NBAS: variants seen among roughly 807,000 people sequenced by gnomAD.
NBAS encodes the protein NAG/BC035112 fusion.
In NBAS, 219 loss-of-function variants were observed where a neutral mutation model predicts 302.5. The observed-to-expected ratio is 0.72, with a 90% CI of 0.65 to 0.81. NBAS has a LOEUF of 0.81. Ranked by LOEUF, NBAS falls within the 30% of genes least tolerant of loss-of-function variation. The pLI is 0.00. For synonymous variants in NBAS, 1,118 were observed against 1,021.6 expected, an observed-to-expected ratio of 1.09 and a Z score of -1.80; for missense variants, 2,932 against 2,841.6, an observed-to-expected ratio of 1.03 and a Z score of -0.72.
intron 28 of NBAS, among the ~76,000 whole-genome samples, chr2:15,391,743 A>C (rs1033712999): frequency 1.4e-4 from 22 of 152,098 alleles, no homozygotes; most frequent in African/African-American, 4.8e-4. Context: ...AACTGATGTC[A>C]AAAAGAGACA....
chr2:15,359,352 G>T (rs997854400), intron 32 of NBAS, among the ~76,000 whole-genome samples: 4 of 152,108 alleles, frequency 2.6e-5, no homozygotes, highest in African/African-American at 9.7e-5. Context: ...AAACATTTTT[G>T]CCAGGTCTTT....
At chr2:15,361,313 G>T (rs1308616492) in intron 32 of NBAS, among the ~76,000 whole-genome samples, 2 of 152,128 alleles carry the variant, frequency 1.3e-5, no homozygotes. Flanking sequence ...AGGAATTCAA[G>T]ACCAGCCTGG....
chr2:15,057,549 C>T, the NBAS span, among the ~76,000 whole-genome samples: 2,738 of 152,182 alleles, frequency 0.018, 81 homozygotes, highest in African/African-American at 0.063. Context: ...GCCACTGCAC[C>T]ATATTTGTAG....
intron 47 of NBAS, among the ~76,000 whole-genome samples, chr2:15,222,607 TAGATGAGGTAACAATCTCAGATTTA>T (rs1157479973): frequency 1.3e-5 from 2 of 152,244 alleles, no homozygotes; most frequent in Non-Finnish European, 2.9e-5. Flanking sequence ...CTCCAATTTG[TAGATGAGGTAACAATCTCAGATTTA>T]AGAATTGACT....
At chr2:15,089,057 C>T in the NBAS span, among the ~76,000 whole-genome samples, 4 of 152,306 alleles carry the variant, frequency 2.6e-5, no homozygotes, top group African/African-American at 4.8e-5. Flanking sequence ...ACCACACCTT[C>T]GGTTCTCCCA....
the NBAS span, among the ~76,000 whole-genome samples, chr2:14,905,379 T>C: frequency 6.6e-6 from 1 of 152,130 alleles, no homozygotes; most frequent in Admixed American, 6.5e-5. Context: ...CAAAAGTAAA[T>C]TGTTGAAGAA....
chr2:15,215,703 T>C (rs371651357), intron 48 of NBAS, among the ~76,000 whole-genome samples: 1 of 152,144 alleles, frequency 6.6e-6, no homozygotes, highest in Non-Finnish European at 1.5e-5. Context: ...GTTTAATGTG[T>C]GTGAGAGAAA....
chr2:15,110,308 C>A, the NBAS span, among the ~76,000 whole-genome samples: 1 of 152,074 alleles, frequency 6.6e-6, no homozygotes, highest in East Asian at 1.9e-4. Flanking sequence ...TTGTAAGTAG[C>A]CTTCCCTTTC....
chr2:15,156,642 G>A, the NBAS span, among the ~76,000 whole-genome samples: 2 of 152,004 alleles, frequency 1.3e-5, no homozygotes. Flanking sequence ...ACCTAACAAC[G>A]TCCCAAAGGC....
At chr2:15,269,513 A>G (rs1669224297) in intron 44 of NBAS, among the ~76,000 whole-genome samples, 1 of 152,238 alleles carries the variant, frequency 6.6e-6, no homozygotes, top group Non-Finnish European at 1.5e-5. Context: ...TCATGATAAA[A>G]TTGGAACTTT....
the NBAS span, among the ~76,000 whole-genome samples, chr2:15,104,031 G>A: frequency 3.4e-4 from 52 of 152,196 alleles, no homozygotes; most frequent in Middle Eastern, 3.4e-3. Context: ...CAAATCTCAC[G>A]GTGAATTGTA....
chr2:15,155,428 T>G, the NBAS span, among the ~76,000 whole-genome samples: 1 of 152,170 alleles, frequency 6.6e-6, no homozygotes, highest in African/African-American at 2.4e-5. Context: ...GCAAAGCACT[T>G]AAGCAAAGTG....
chr2:14,910,007 C>T, the NBAS span, among the ~76,000 whole-genome samples: 3 of 152,228 alleles, frequency 2.0e-5, no homozygotes, highest in Non-Finnish European at 2.9e-5. Flanking sequence ...CTGAGACTTG[C>T]TCCGGGAGCT....
chr2:14,848,230 G>A, the NBAS span, among the ~76,000 whole-genome samples: 207 of 151,316 alleles, frequency 1.4e-3, 2 homozygotes, highest in African/African-American at 4.7e-3. Flanking sequence ...CGCACCATGC[G>A]AGAGCCGAAG....
the NBAS span, among the ~76,000 whole-genome samples, chr2:14,904,980 C>T: frequency 1.3e-5 from 2 of 152,124 alleles, no homozygotes; most frequent in African/African-American, 4.8e-5. Flanking sequence ...ACCCGGGAAG[C>T]GGAGCTTGCA....
chr2:15,330,541 C>T (rs1425290906), intron 36 of NBAS, 57 bp downstream of exon 36: 3 of 1,601,506 alleles, frequency 1.9e-6, no homozygotes, highest in Non-Finnish European at 2.6e-6. Context: ...TGAAACATTG[C>T]TAATGAATTT....
At chr2:14,953,022 G>C in the NBAS span, among the ~76,000 whole-genome samples, 205 of 152,374 alleles carry the variant, frequency 1.3e-3, no homozygotes, top group African/African-American at 4.5e-3. Flanking sequence ...ACATGGGGCA[G>C]AAGTTGGAGG....
intron 48 of NBAS, among the ~76,000 whole-genome samples, chr2:15,197,059 C>A (rs72776615): frequency 0.082 from 12,468 of 152,164 alleles, 841 homozygotes; most frequent in East Asian, 0.32. Flanking sequence ...CTGACTTCAA[C>A]ATAAAGATAA....
At chr2:14,848,548 G>A in the NBAS span, among the ~76,000 whole-genome samples, 1 of 141,316 alleles carries the variant, frequency 7.1e-6, no homozygotes, top group Non-Finnish European at 1.5e-5. Flanking sequence ...AAAGCGGCCA[G>A]GAAGCTTGAA....
Sources: gnomAD v4.1 joint callset for allele counts (sites outside exome capture counted in the v4.1 genomes callset) on GRCh38, gnomAD v4.1.1 for gene constraint, MANE v1.5 for transcripts, NCBI Gene and HGNC (gene_info 2026-07-23, HGNC 2026-07-21) for gene names.